Variants in CDH10 observed in about 807,000 individuals in gnomAD.
The protein encoded by CDH10 is cadherin-10.
A neutral mutation model predicts 73.1 loss-of-function variants in CDH10; 30 were observed. That is an observed-to-expected ratio of 0.41 (90% CI 0.31 to 0.56). The LOEUF (loss-of-function observed/expected upper bound fraction) is 0.56, where lower values mean the gene tolerates loss of function less well. Among genes scored for constraint, CDH10 ranks in the 20% least tolerant of loss-of-function variants. The pLI, the probability that CDH10 is intolerant of heterozygous loss-of-function variation, is 0.27. For missense variants in CDH10, 815 were observed against 973.7 expected, an observed-to-expected ratio of 0.84 and a Z score of 2.17; for synonymous variants, 345 against 348.2, an observed-to-expected ratio of 0.99 and a Z score of 0.10.
chr5:24,492,182 G>A (rs181106009), intron 10 of CDH10, among the ~76,000 whole-genome samples: 1 of 152,294 alleles, frequency 6.6e-6, no homozygotes, highest in Non-Finnish European at 1.5e-5. Context: ...TACTAAATGT[G>A]TGTTTTTTAA....
At chr5:24,504,724 C>T (rs1742639446) in intron 8 of CDH10, among the ~76,000 whole-genome samples, 2 of 151,698 alleles carry the variant, frequency 1.3e-5, no homozygotes. Flanking sequence ...CGGGGTTTCA[C>T]TGTGTTAGCC....
chr5:24,643,477 T>A (rs1418995950), intron 1 of CDH10, among the ~76,000 whole-genome samples: 1 of 151,610 alleles, frequency 6.6e-6, no homozygotes, highest in African/African-American at 2.4e-5. Context: ...TGCATTGAAG[T>A]ATAACAGTTG....
At chr5:24,518,983 T>C (rs1461806918) in intron 5 of CDH10, among the ~76,000 whole-genome samples, 1 of 143,954 alleles carries the variant, frequency 6.9e-6, no homozygotes, top group Non-Finnish European at 1.5e-5. Context: ...CTCCACCTCC[T>C]GGGTTCAAGT....
At chr5:24,500,844 A>G (rs1742467104) in intron 8 of CDH10, among the ~76,000 whole-genome samples, 2 of 152,200 alleles carry the variant, frequency 1.3e-5, no homozygotes, top group African/African-American at 4.8e-5. Flanking sequence ...TTCACCTAAT[A>G]AAAATACATT....
chr5:24,575,972 T>G (rs778423698), intron 2 of CDH10, among the ~76,000 whole-genome samples: 12 of 152,072 alleles, frequency 7.9e-5, no homozygotes, highest in Non-Finnish European at 1.8e-4. Context: ...AAACTTACTG[T>G]TTGTTACCTA....
chr5:24,588,070 G>GCA (rs1746082618), intron 2 of CDH10, among the ~76,000 whole-genome samples: 1 of 152,076 alleles, frequency 6.6e-6, no homozygotes, highest in African/African-American at 2.4e-5. Flanking sequence ...TTTACATTTT[G>GCA]CATGTGTGTA....
intron 2 of CDH10, among the ~76,000 whole-genome samples, chr5:24,572,039 C>T (rs1745402759): frequency 6.6e-6 from 1 of 151,660 alleles, no homozygotes; most frequent in Non-Finnish European, 1.5e-5. Context: ...TTAAAATCCA[C>T]GTTTTTACTA....
At chr5:24,508,580 G>A (rs1253334633) in intron 7 of CDH10, among the ~76,000 whole-genome samples, 1 of 149,336 alleles carries the variant, frequency 6.7e-6, no homozygotes, top group African/African-American at 2.6e-5. Flanking sequence ...GAGCAGTGGT[G>A]TGAATGAAGG....
At chr5:24,637,887 G>A (rs1014194559) in intron 1 of CDH10, among the ~76,000 whole-genome samples, 1 of 151,306 alleles carries the variant, frequency 6.6e-6, no homozygotes, top group Admixed American at 6.6e-5. Flanking sequence ...TTGCTTTAAT[G>A]AAGTACAAGG....
At chr5:24,618,643 C>T (rs1234838629) in intron 1 of CDH10, among the ~76,000 whole-genome samples, 1 of 152,168 alleles carries the variant, frequency 6.6e-6, no homozygotes, top group East Asian at 1.9e-4. Context: ...AGTCCAGTAA[C>T]TGGCGCTGGT....
chr5:24,566,214 A>G (rs986500268), intron 2 of CDH10, among the ~76,000 whole-genome samples: 3 of 151,898 alleles, frequency 2.0e-5, no homozygotes, highest in African/African-American at 7.3e-5. Context: ...ACACCTGGCT[A>G]ATTTTGTATT....
intron 2 of CDH10, among the ~76,000 whole-genome samples, chr5:24,592,998 C>A (rs912779462): frequency 2.6e-5 from 4 of 151,600 alleles, no homozygotes; most frequent in Non-Finnish European, 5.9e-5. Flanking sequence ...ACCATAAATT[C>A]TAAAATTGCA....
chr5:24,597,529 G>GT (rs1001826163), intron 1 of CDH10, among the ~76,000 whole-genome samples: 21 of 152,088 alleles, frequency 1.4e-4, no homozygotes, highest in African/African-American at 4.6e-4. Flanking sequence ...CTTTTTCCAC[G>GT]TTTTTTTAAC....
At chr5:24,558,982 A>G (rs1242813181) in intron 2 of CDH10, among the ~76,000 whole-genome samples, 2 of 151,836 alleles carry the variant, frequency 1.3e-5, no homozygotes, top group East Asian at 3.8e-4. Context: ...GATTTTAGAA[A>G]TCTCATCTCT....
chr5:24,609,325 G>T (rs1196140163), intron 1 of CDH10, among the ~76,000 whole-genome samples: 1 of 152,110 alleles, frequency 6.6e-6, no homozygotes, highest in Non-Finnish European at 1.5e-5. Context: ...GATAGTTGGG[G>T]GGAGGTTAGA....
At chr5:24,583,511 G>A (rs1441319044) in intron 2 of CDH10, among the ~76,000 whole-genome samples, 1 of 151,930 alleles carries the variant, frequency 6.6e-6, no homozygotes, top group Non-Finnish European at 1.5e-5. Context: ...AGTCAAAATA[G>A]CTCTATTACA....
At chr5:24,494,609 A>C (rs994465907) in intron 9 of CDH10, among the ~76,000 whole-genome samples, 1 of 152,022 alleles carries the variant, frequency 6.6e-6, no homozygotes, top group Admixed American at 6.5e-5. Context: ...CCTTAAAATA[A>C]ATTTACAAAG....
Position 24,585,692 on chromosome 5 carries a change from G to A in CDH10, c.231+7568C>T, listed in dbSNP as rs191080692. Among the ~76,000 whole-genome samples, 228 of 152,312 alleles carry A rather than the reference G, an allele frequency of 1.5e-3. 1 individual carries two copies. The highest frequency in any genetic ancestry group is 5.3e-3 in the African/African-American group (222 of 41,580). ...ACCTGTCTCAGCCTCCCAAAGTGCC[G>A]GGATGACAGGCATGAGCCACCGCTC... On this transcript the variant is annotated intron_variant, in intron 2 of 11. Transcript: ENST00000264463.
At chr5:24,530,766 TTAGGATTTTAG>T (rs1743712417) in intron 5 of CDH10, among the ~76,000 whole-genome samples, 1 of 151,994 alleles carries the variant, frequency 6.6e-6, no homozygotes, top group South Asian at 2.1e-4. Flanking sequence ...GTATTAGATA[TTAGGATTTTAG>T]ATATCAGTTT....
Sources: gnomAD v4.1 joint callset for allele counts (sites outside exome capture counted in the v4.1 genomes callset) on GRCh38, gnomAD v4.1.1 for gene constraint, MANE v1.5 for transcripts, NCBI Gene and HGNC (gene_info 2026-07-23, HGNC 2026-07-21) for gene names.